TYW1: variants seen among roughly 807,000 people sequenced by gnomAD.
TYW1 encodes tRNA-yW synthesizing protein 1 homolog.
Under a neutral mutation model 96.2 loss-of-function variants are expected in TYW1, and 46 were observed. The ratio of observed to expected loss-of-function variants is 0.48; its 90% CI spans 0.38 to 0.61. The LOEUF is 0.61. TYW1 is among the 20% of genes least tolerant of loss of function. TYW1 has a pLI of 0.00. For synonymous variants in TYW1, 274 were observed against 323.0 expected (o/e 0.85, Z 1.63); for missense variants, 684 against 909.6 (o/e 0.75, Z 3.19).
intron 13 of TYW1, among the ~76,000 whole-genome samples, chr7:67,171,013 A>G (rs62464976): frequency 0.04 from 6,123 of 152,222 alleles, 178 homozygotes; most frequent in Middle Eastern, 0.1. Context: ...ATGTTTGGCA[A>G]TGAAGCCATC....
chr7:67,045,842 G>A (rs987585832), intron 7 of TYW1, among the ~76,000 whole-genome samples: 11 of 152,294 alleles, frequency 7.2e-5, no homozygotes, highest in Admixed American at 5.9e-4. Context: ...AGAAATCAAG[G>A]CCGTGGACAA....
intron 9 of TYW1, among the ~76,000 whole-genome samples, chr7:67,060,135 G>T (rs1795652374): frequency 1.3e-5 from 2 of 151,906 alleles, no homozygotes; most frequent in South Asian, 4.1e-4. Context: ...GAGTACAGTG[G>T]CGTGATCTTG....
rs984870841 is a variant in TYW1, at chr7:67,078,816, C to T, written c.1275-4614C>T. On this transcript the variant is annotated intron_variant, in intron 10 of 15. Transcript: ENST00000359626. ...CAAGCGATTCCCCTGCCTCAGCCTC[C>T]TGAGTAGCTGGGATTATAGATGCCT... Among the ~76,000 whole-genome samples the T allele has an allele frequency of 2.6e-5, 4 of 152,284 alleles. No homozygotes were observed. In the East Asian group the frequency reaches 7.7e-4, roughly 29 times the overall value.
intron 4 of TYW1, among the ~76,000 whole-genome samples, chr7:67,011,680 T>C (rs1303324636): frequency 6.6e-6 from 1 of 151,944 alleles, no homozygotes; most frequent in East Asian, 1.9e-4. Context: ...GAGACCAGCC[T>C]GGCCAACACG....
chr7:67,048,433 T>G (rs1795254613), intron 7 of TYW1, among the ~76,000 whole-genome samples: 1 of 150,886 alleles, frequency 6.6e-6, no homozygotes, highest in African/African-American at 2.4e-5. Flanking sequence ...CAGTAAGATT[T>G]GATGAGTATC....
chr7:66,997,327 A>G (rs1793204531), intron 1 of TYW1, among the ~76,000 whole-genome samples: 1 of 152,202 alleles, frequency 6.6e-6, no homozygotes, highest in African/African-American at 2.4e-5. Context: ...TCTTAAAAAA[A>G]AAAAAATGAG....
chr7:67,073,349 C>G (rs1011924128), intron 10 of TYW1, among the ~76,000 whole-genome samples: 3 of 152,092 alleles, frequency 2.0e-5, no homozygotes, highest in African/African-American at 7.2e-5. Flanking sequence ...ATGCATAGGA[C>G]AGTGCTCCGC....
intron 4 of TYW1, 54 bp downstream of exon 4, chr7:67,009,738 A>G (rs556106895): frequency 6.4e-6 from 9 of 1,414,008 alleles, no homozygotes; most frequent in South Asian, 3.9e-5. Context: ...CTGATCTGCA[A>G]TCTTCACAGT....
At chr7:67,006,148 G>A (rs1274936815) in intron 3 of TYW1, among the ~76,000 whole-genome samples, 1 of 152,168 alleles carries the variant, frequency 6.6e-6, no homozygotes, top group African/African-American at 2.4e-5. Flanking sequence ...CTTAGATCTT[G>A]AGGGCAGATT....
At chr7:67,060,684 G>A (rs1795668986) in intron 9 of TYW1, among the ~76,000 whole-genome samples, 1 of 152,162 alleles carries the variant, frequency 6.6e-6, no homozygotes, top group Non-Finnish European at 1.5e-5. Context: ...CACCAGCAGA[G>A]GCTATTGATT....
intron 13 of TYW1, among the ~76,000 whole-genome samples, chr7:67,147,319 G>T (rs1798638451): frequency 2.0e-5 from 3 of 152,126 alleles, no homozygotes; most frequent in Admixed American, 6.5e-5. Context: ...ATCATTTTAT[G>T]AAGAAACTGG....
At chr7:67,124,039 C>G (rs1797841598) in intron 13 of TYW1, among the ~76,000 whole-genome samples, 1 of 152,138 alleles carries the variant, frequency 6.6e-6, no homozygotes, top group African/African-American at 2.4e-5. Context: ...CATTTCCTTT[C>G]ATCAGCTTAA....
chr7:67,180,682 G>A (rs1423953953), intron 13 of TYW1, among the ~76,000 whole-genome samples: 1 of 147,816 alleles, frequency 6.8e-6, no homozygotes, highest in African/African-American at 2.6e-5. Context: ...TCACTCTGTT[G>A]CCCAGGCTGG....
Position 67,239,123 on chromosome 7 carries a change from G to T in TYW1, c.*594G>T. On this transcript the variant is annotated 3_prime_UTR_variant, in exon 16 of 16. Transcript: ENST00000359626. ...ACCAACCCTTCCCAGAATTGCGTTG[G>T]ATCTAAAACTACTAGATCTCATCCC... 1.0e-6 allele frequency: 1 copy of T among 986,560 alleles called. No homozygotes were observed. Among genetic ancestry groups the T allele is most frequent in the Non-Finnish European group, 1.2e-6 (1 of 830,702 alleles). 61.1% of individuals were successfully genotyped at this position (986,560 alleles called of 1,614,324 possible). A position where few individuals can be genotyped will look rare whatever the true frequency, so the allele number is the denominator to read the frequency against.
intron 10 of TYW1, among the ~76,000 whole-genome samples, chr7:67,080,892 A>G (rs1226938911): frequency 7.4e-6 from 1 of 134,948 alleles, no homozygotes; most frequent in Non-Finnish European, 1.5e-5. Flanking sequence ...TTCATGGTAG[A>G]TGATGACTTA....
Position 67,239,131 on chromosome 7 carries a change from A to C in TYW1, c.*602A>C. 2 of 986,724 alleles carry C rather than the reference A, an allele frequency of 2.0e-6. No homozygotes were observed. The highest frequency in any genetic ancestry group is 2.4e-6 in the Non-Finnish European group (2 of 830,790). 61.1% of individuals were successfully genotyped at this position (986,724 alleles called of 1,614,324 possible). ...TTCCCAGAATTGCGTTGGATCTAAA[A>C]CTACTAGATCTCATCCCATTCCCAT... On this transcript the variant is annotated 3_prime_UTR_variant, in exon 16 of 16. Coordinates refer to ENST00000359626, the MANE Select transcript of TYW1 (RefSeq NM_018264.4).
chr7:67,164,788 G>A (rs1799271603), intron 13 of TYW1, among the ~76,000 whole-genome samples: 1 of 152,058 alleles, frequency 6.6e-6, no homozygotes, highest in African/African-American at 2.4e-5. Context: ...CCATTGTTCT[G>A]AAATAACATC....
chr7:67,239,091 G>A lies in TYW1; in HGVS notation c.*562G>A. 1.0e-6 allele frequency: 1 copy of A among 986,412 alleles called. No homozygotes were observed. Among genetic ancestry groups the A allele is most frequent in the Non-Finnish European group, 1.2e-6 (1 of 830,482 alleles). The allele number at this position is 986,412 out of a possible 1,614,324, so 61.1% of individuals were successfully genotyped here. On this transcript the variant is annotated 3_prime_UTR_variant, in exon 16 of 16. Transcript: ENST00000359626. ...TAAATACTGCATAGATTGAGTTTTG[G>A]TTTATTACCAACCCTTCCCAGAATT...
At chr7:67,023,155 G>C (rs190293333) in intron 6 of TYW1, among the ~76,000 whole-genome samples, 129 of 152,132 alleles carry the variant, frequency 8.5e-4, no homozygotes, top group African/African-American at 3.1e-3. Context: ...GGAGTGCAGG[G>C]TCACGATCTC....
Sources: gnomAD v4.1 joint callset for allele counts (sites outside exome capture counted in the v4.1 genomes callset) on GRCh38, gnomAD v4.1.1 for gene constraint, MANE v1.5 for transcripts, NCBI Gene and HGNC (gene_info 2026-07-23, HGNC 2026-07-21) for gene names.